RNF180: variants seen among roughly 807,000 people sequenced by gnomAD.
The protein encoded by RNF180 is ring finger protein 180, also known as E3 ubiquitin-protein ligase RNF180.
RNF180 carries 38 observed loss-of-function variants against 59.2 expected under a neutral mutation model. The ratio of observed to expected loss-of-function variants is 0.64; its 90% CI spans 0.50 to 0.84. The LOEUF is 0.84. Ranked by LOEUF, RNF180 falls within the 40% of genes least tolerant of loss-of-function variation. The pLI, the probability that RNF180 is intolerant of heterozygous loss-of-function variation, is 0.00. For missense variants in RNF180, 705 were observed against 700.9 expected (o/e 1.01, Z -0.07); for synonymous variants, 262 against 240.3 (o/e 1.09, Z -0.84).
chr5:64,346,022 A>G (rs1482710971), intron 7 of RNF180, among the ~76,000 whole-genome samples: 1 of 152,130 alleles, frequency 6.6e-6, no homozygotes, highest in African/African-American at 2.4e-5. Flanking sequence ...TGAATTTCTC[A>G]GATTAATTTC....
chr5:64,344,822 G>C (rs6449718), intron 7 of RNF180, among the ~76,000 whole-genome samples: 2 of 151,228 alleles, frequency 1.3e-5, no homozygotes, highest in African/African-American at 4.9e-5. Flanking sequence ...TCTGAATTCT[G>C]CTTCATCTGT....
chr5:64,308,508 C>G (rs760063936), intron 5 of RNF180, among the ~76,000 whole-genome samples: 2 of 151,662 alleles, frequency 1.3e-5, no homozygotes, highest in Non-Finnish European at 3.0e-5. Flanking sequence ...GATTATTTCA[C>G]AAAAGTGTAG....
At chr5:64,361,283 G>A (rs971948778) in intron 7 of RNF180, among the ~76,000 whole-genome samples, 2 of 151,114 alleles carry the variant, frequency 1.3e-5, no homozygotes, top group African/African-American at 4.9e-5. Context: ...CAGTATTAAA[G>A]ACATATGGAA....
At chr5:64,232,552 T>C (rs1381889125) in intron 5 of RNF180, among the ~76,000 whole-genome samples, 1 of 152,226 alleles carries the variant, frequency 6.6e-6, no homozygotes, top group Non-Finnish European at 1.5e-5. Context: ...TTCAAAAGTT[T>C]AGGAGAATAT....
At chr5:64,302,519 T>C (rs1384996099) in intron 5 of RNF180, among the ~76,000 whole-genome samples, 1 of 151,538 alleles carries the variant, frequency 6.6e-6, no homozygotes, top group African/African-American at 2.4e-5. Context: ...TTCATTGCCA[T>C]AGAGGATTGG....
chr5:64,219,288 C>A (rs527628367), intron 5 of RNF180, among the ~76,000 whole-genome samples: 32 of 152,096 alleles, frequency 2.1e-4, no homozygotes, highest in African/African-American at 7.7e-4. Context: ...GATAGTCTTG[C>A]ATTCCCGCCA....
chr5:64,297,121 C>T (rs1742920265), intron 5 of RNF180, among the ~76,000 whole-genome samples: 1 of 151,962 alleles, frequency 6.6e-6, no homozygotes, highest in Non-Finnish European at 1.5e-5. Context: ...ACAGGAACCA[C>T]TGAAAATAAA....
In RNF180 at chr5:64,174,950, A is replaced by C. The variant is rs969452301; in HGVS notation, c.-1+8997A>C. On this transcript the variant is annotated intron_variant, in intron 1 of 7. Coordinates refer to ENST00000389100, the MANE Select transcript of RNF180 (RefSeq NM_001113561.2). Reference sequence around the variant, plus strand: ...GTTCCGGTTTTACATTTAAGTCTTTAATCCAGTTCTTTTTTTTTTTTTTTT... The same window carrying C: ...GTTCCGGTTTTACATTTAAGTCTTTCATCCAGTTCTTTTTTTTTTTTTTTT... Among the ~76,000 whole-genome samples, 11 of 145,878 alleles carry C rather than the reference A, an allele frequency of 7.5e-5. No individual in the cohort carries two copies. In the East Asian group the frequency reaches 2.2e-3, roughly 29 times the overall value.
intron 1 of RNF180, among the ~76,000 whole-genome samples, chr5:64,173,040 T>C (rs1750026013): frequency 6.6e-6 from 1 of 152,210 alleles, no homozygotes; most frequent in East Asian, 1.9e-4. Flanking sequence ...TCCAGACAAA[T>C]TGCCATCCTT....
At chr5:64,195,609 G>A (rs1325812529) in intron 1 of RNF180, among the ~76,000 whole-genome samples, 2 of 152,160 alleles carry the variant, frequency 1.3e-5, no homozygotes, top group Non-Finnish European at 2.9e-5. Flanking sequence ...ATAAATAAGA[G>A]TTAATTGCCT....
At chr5:64,224,168 C>CA (rs1741529786) in intron 5 of RNF180, among the ~76,000 whole-genome samples, 1 of 150,112 alleles carries the variant, frequency 6.7e-6, no homozygotes, top group Non-Finnish European at 1.5e-5. Flanking sequence ...GAGAGGTAAA[C>CA]AAAAGGAATT....
intron 7 of RNF180, among the ~76,000 whole-genome samples, chr5:64,339,814 C>G (rs916031456): frequency 2.0e-5 from 3 of 151,984 alleles, no homozygotes; most frequent in Admixed American, 6.6e-5. Context: ...GTCCTTTTCA[C>G]CCTATGAAGT....
intron 5 of RNF180, among the ~76,000 whole-genome samples, chr5:64,268,734 C>T (rs1744833043): frequency 6.6e-6 from 1 of 152,124 alleles, no homozygotes; most frequent in South Asian, 2.1e-4. Flanking sequence ...ATCTACAGTG[C>T]TGCAGCCAAA....
At chr5:64,246,980 AT>A (rs1216380278) in intron 5 of RNF180, among the ~76,000 whole-genome samples, 1 of 152,240 alleles carries the variant, frequency 6.6e-6, no homozygotes, top group Non-Finnish European at 1.5e-5. Flanking sequence ...AATGTAATCC[AT>A]CACATAAACA....
chr5:64,284,002 A>G (rs1292679925), intron 5 of RNF180, among the ~76,000 whole-genome samples: 1 of 152,064 alleles, frequency 6.6e-6, no homozygotes, highest in African/African-American at 2.4e-5. Context: ...GTTATCTTTC[A>G]TTTTCATGTT....
chr5:64,172,319 G>A (rs1245984900), intron 1 of RNF180, among the ~76,000 whole-genome samples: 1 of 152,082 alleles, frequency 6.6e-6, no homozygotes, highest in Non-Finnish European at 1.5e-5. Context: ...TCTAAAGCAG[G>A]GGGCTGGGGG....
chr5:64,168,369 A>C (rs1025260569), intron 1 of RNF180, among the ~76,000 whole-genome samples: 1 of 152,218 alleles, frequency 6.6e-6, no homozygotes, highest in South Asian at 2.1e-4. Context: ...AAAATAGTTT[A>C]AAATAATGAC....
intron 7 of RNF180, among the ~76,000 whole-genome samples, chr5:64,363,977 A>G (rs1198779972): frequency 6.6e-6 from 1 of 151,588 alleles, no homozygotes; most frequent in Non-Finnish European, 1.5e-5. Flanking sequence ...CAGCTTAAGA[A>G]CTTTTAGACT....
chr5:64,369,003 G>T (rs373703768), intron 7 of RNF180, among the ~76,000 whole-genome samples: 3 of 151,710 alleles, frequency 2.0e-5, no homozygotes, highest in African/African-American at 7.3e-5. Flanking sequence ...ATAAAGACAC[G>T]TGCACACGTA....
Sources: allele counts gnomAD v4.1 joint callset (sites outside exome capture counted in the v4.1 genomes callset), GRCh38; gene constraint gnomAD v4.1.1; transcripts MANE v1.5; gene names NCBI Gene and HGNC (gene_info 2026-07-23, HGNC 2026-07-21).